Variants in RTL4 observed in about 807,000 individuals in gnomAD.
RTL4 encodes the protein retrotransposon Gag like 4.
Under a neutral mutation model 5.3 loss-of-function variants are expected in RTL4, and 4 were observed. The ratio of observed to expected loss-of-function variants is 0.75; its 90% CI spans 0.37 to 1.72. The LOEUF (loss-of-function observed/expected upper bound fraction) is 1.72, where lower values mean the gene tolerates loss of function less well. Ranked by LOEUF, RTL4 falls within the 40% of genes most tolerant of loss-of-function variation. The pLI, the probability that RTL4 is intolerant of heterozygous loss-of-function variation, is 0.04. For synonymous variants in RTL4, 98 were observed against 87.3 expected, an observed-to-expected ratio of 1.12 and a Z score of -0.68; for missense variants, 260 against 227.1, an observed-to-expected ratio of 1.14 and a Z score of -0.93.
the RTL4 span, among the ~76,000 whole-genome samples, chrX:112,400,114 T>G: frequency 3.6e-5 from 4 of 111,424 alleles, no homozygotes; most frequent in African/African-American, 1.3e-4. Context: ...TCTACTGATT[T>G]ATAGTTTTCA....
chrX:112,321,276 A>G, the RTL4 span, among the ~76,000 whole-genome samples: 65 of 111,947 alleles, frequency 5.8e-4, 1 homozygote, highest in Admixed American at 5.7e-3. Flanking sequence ...GGTGGCTCAT[A>G]CCTGTAATCC....
the RTL4 span, among the ~76,000 whole-genome samples, chrX:112,363,998 T>A: frequency 8.9e-6 from 1 of 111,788 alleles, no homozygotes; most frequent in Admixed American, 9.5e-5. Flanking sequence ...ATATCTGTTG[T>A]TTCAGAAGCA....
exon 1 of RTL4, chrX:112,455,981 A>G (rs894120097): frequency 3.3e-6 from 1 of 300,149 alleles, no homozygotes; most frequent in African/African-American, 2.7e-5. Context: ...CACATTGGGA[A>G]CCTTATCCTG....
chrX:112,402,028 GTTCTTCTAGCTTAGTGTACC>G, the RTL4 span, among the ~76,000 whole-genome samples: 10 of 111,986 alleles, frequency 8.9e-5, no homozygotes, highest in African/African-American at 3.2e-4. Context: ...CATACCTGCT[GTTCTTCTAGCTTAGTGTACC>G]TTCTTCTCCA....
the RTL4 span, among the ~76,000 whole-genome samples, chrX:112,435,925 T>A: frequency 8.9e-6 from 1 of 112,024 alleles, no homozygotes; most frequent in Non-Finnish European, 1.9e-5. Context: ...TGATTCTAAA[T>A]GCCATACTAG....
At chrX:112,321,333 C>T in the RTL4 span, among the ~76,000 whole-genome samples, 1 of 110,509 alleles carries the variant, frequency 9.0e-6, no homozygotes, top group Non-Finnish European at 1.9e-5. Flanking sequence ...GTCAAGCGAT[C>T]GAGACCATCC....
At chrX:112,253,698 C>G in the RTL4 span, among the ~76,000 whole-genome samples, 2 of 112,291 alleles carry the variant, frequency 1.8e-5, no homozygotes, top group African/African-American at 6.5e-5. Context: ...AGACTCTCTT[C>G]TTGGCCAAAC....
the RTL4 span, among the ~76,000 whole-genome samples, chrX:112,152,841 C>T: frequency 9.0e-6 from 1 of 111,580 alleles, no homozygotes; most frequent in Non-Finnish European, 1.9e-5. Context: ...TCTGTTACAT[C>T]AAAGTCTTAC....
chrX:112,406,500 C>T, the RTL4 span, among the ~76,000 whole-genome samples: 69 of 111,091 alleles, frequency 6.2e-4, no homozygotes, highest in African/African-American at 2.1e-3. Context: ...TATAAGGGGA[C>T]GGTGCTAAAC....
At chrX:112,136,584 A>T in the RTL4 span, among the ~76,000 whole-genome samples, 3 of 112,181 alleles carry the variant, frequency 2.7e-5, no homozygotes, top group South Asian at 1.1e-3. Context: ...GGACTGTAAA[A>T]GTAATATTAT....
At chrX:112,326,802 G>A in the RTL4 span, among the ~76,000 whole-genome samples, 3 of 111,670 alleles carry the variant, frequency 2.7e-5, no homozygotes, top group Non-Finnish European at 5.7e-5. Context: ...CATGCAGCTG[G>A]AGATCTGAGA....
the RTL4 span, among the ~76,000 whole-genome samples, chrX:112,168,918 ATTCTTTCTTTCTTTCTTTCTTT>A: frequency 1.1e-5 from 1 of 94,102 alleles, no homozygotes; most frequent in Non-Finnish European, 2.1e-5. Context: ...TTTGCCTTTA[ATTCTTTCTTTCTTTCTTTCTTT>A]TTCTTTCTTT....
the RTL4 span, among the ~76,000 whole-genome samples, chrX:112,094,756 T>C: frequency 1.8e-5 from 2 of 111,717 alleles, no homozygotes; most frequent in African/African-American, 6.5e-5. Context: ...TAATCGACAG[T>C]ATTTGATGCT....
the RTL4 span, among the ~76,000 whole-genome samples, chrX:112,373,421 T>C: frequency 9.0e-6 from 1 of 111,319 alleles, no homozygotes; most frequent in Non-Finnish European, 1.9e-5. Flanking sequence ...TGTGATGTTT[T>C]TCTCTAGTCG....
the RTL4 span, among the ~76,000 whole-genome samples, chrX:112,161,844 C>CTTTCTTTCTT: frequency 2.5e-5 from 1 of 40,077 alleles, no homozygotes; most frequent in Non-Finnish European, 4.3e-5. Context: ...TTCCTTCCTT[C>CTTTCTTTCTT]CTTTCTTTCT....
the RTL4 span, among the ~76,000 whole-genome samples, chrX:112,355,502 A>G: frequency 1.6e-3 from 183 of 111,440 alleles, no homozygotes; most frequent in African/African-American, 5.6e-3. Flanking sequence ...TGTTTGAGTA[A>G]GCTCTGGGGT....
chrX:112,164,620 G>A, the RTL4 span, among the ~76,000 whole-genome samples: 30 of 112,036 alleles, frequency 2.7e-4, no homozygotes, highest in Non-Finnish European at 4.5e-4. Context: ...AGAGGAGGCT[G>A]AGTGTCACTG....
the RTL4 span, among the ~76,000 whole-genome samples, chrX:112,328,155 A>T: frequency 9.1e-6 from 1 of 109,995 alleles, no homozygotes; most frequent in Non-Finnish European, 1.9e-5. Context: ...CACACATAAC[A>T]ATATTAATTT....
At chrX:112,382,757 TTCTTA>T in the RTL4 span, among the ~76,000 whole-genome samples, 2 of 111,860 alleles carry the variant, frequency 1.8e-5, no homozygotes, top group African/African-American at 6.5e-5. Flanking sequence ...CCTTTTAGTT[TTCTTA>T]TGAGTGAAAA....
Sources: gnomAD v4.1 joint callset for allele counts (sites outside exome capture counted in the v4.1 genomes callset) on GRCh38, gnomAD v4.1.1 for gene constraint, MANE v1.5 for transcripts, NCBI Gene and HGNC (gene_info 2026-07-23, HGNC 2026-07-21) for gene names.